PTPN7: variants seen among roughly 807,000 people sequenced by gnomAD.
The protein encoded by PTPN7 is protein tyrosine phosphatase non-receptor type 7.
PTPN7 carries 33 observed loss-of-function variants against 50.3 expected under a neutral mutation model. That is an observed-to-expected ratio of 0.66 (90% CI 0.50 to 0.88). The LOEUF is 0.88. PTPN7 is among the 40% of genes least tolerant of loss of function. The pLI is 0.00. For synonymous variants in PTPN7, 185 were observed against 186.6 expected (o/e 0.99, Z 0.07); for missense variants, 412 against 475.4 (o/e 0.87, Z 1.24).
In PTPN7 at chr1:202,157,745, A is replaced by G; in HGVS notation, c.385T>C (p.Leu129=). 2 of 1,613,304 alleles carry G rather than the reference A, an allele frequency of 1.2e-6. No homozygotes were observed. Among genetic ancestry groups the G allele is most frequent in the South Asian group, 1.1e-5 (1 of 91,058 alleles). Residue 129 remains leucine (L), a synonymous_variant, in exon 4 of 10, where the codon TTG becomes CTG. Transcript: ENST00000691036. ...HASKDRYKTI[L]PNPQSRVCLG... is the part of the protein sequence containing the mutation. ...TCCCAGCAGCAGTTCTTACTTGGCA[A>G]GATGGTCTTGTATCGGTCCTTGGAG...
In PTPN7 at chr1:202,160,443, C is replaced by T; in HGVS notation, c.-53+102G>A. The T allele has an allele frequency of 8.1e-7, 1 of 1,231,674 alleles. No homozygotes were observed. Among genetic ancestry groups the T allele is most frequent in the Non-Finnish European group, 1.1e-6 (1 of 885,108 alleles). 76.3% of individuals were successfully genotyped at this position (1,231,674 alleles called of 1,614,324 possible). On this transcript the variant is annotated intron_variant, in intron 1 of 9. Transcript: ENST00000691036. The surrounding 1 kb of genome is among the most constrained non-coding windows in gnomAD (Gnocchi z 4.8). ...ACCCCAGCCAGGCACTGTGGCGCCC[C>T]ACTCGCCCTCCCGCACTCCCTCCTA...
In PTPN7 at chr1:202,153,848, G is replaced by T; in HGVS notation, c.607-13C>A. Reference sequence around the variant, plus strand: ...AGTGGACACATTTCTAGGAGGGAGGGAGCTGGGAGTCAGAAGAGGGTCAGC... The same window carrying T: ...AGTGGACACATTTCTAGGAGGGAGGTAGCTGGGAGTCAGAAGAGGGTCAGC... On this transcript the variant is annotated splice_polypyrimidine_tract_variant and intron_variant, in intron 6 of 9. Coordinates refer to ENST00000691036, the MANE Select transcript of PTPN7 (RefSeq NM_002832.4). The T allele has an allele frequency of 6.2e-7, 1 of 1,601,256 alleles. No individual in the cohort carries two copies. The highest frequency in any genetic ancestry group is 8.6e-7 in the Non-Finnish European group (1 of 1,168,280).
At position 202,153,784 on chromosome 1, in the gene PTPN7, T is replaced by C; in HGVS notation, c.658A>G (p.Ile220Val). ...CACTCTTTCATGTCCTGGATGCGGA[T>C]CTGGAAGGGTCCATAGGTTTCCTCT... is the stretch of plus-strand genomic sequence containing the variant. ...TEEETYGPFQ[I>V]RIQDMKECPE... The change falls in exon 7 of 10, where the codon ATC (isoleucine) becomes GTC (valine). Residue 220 changes from isoleucine to valine, a missense_variant. Transcript: ENST00000691036. 1.2e-6 allele frequency: 2 copies of C among 1,614,110 alleles called. No individual in the cohort carries two copies. The highest frequency in any genetic ancestry group is 1.3e-5 in the African/African-American group (1 of 75,026).
intron 4 of PTPN7, among the ~76,000 whole-genome samples, chr1:202,156,866 C>T (rs12141644): frequency 0.087 from 13,249 of 152,110 alleles, 818 homozygotes; most frequent in African/African-American, 0.17. Context: ...TGCCTGCCTC[C>T]GAAAAATAGA....
chr1:202,153,553 T>G (rs1427537373), intron 7 of PTPN7, among the ~76,000 whole-genome samples, 172 bp downstream of exon 7: 1 of 152,234 alleles, frequency 6.6e-6, no homozygotes, highest in Non-Finnish European at 1.5e-5. Flanking sequence ...GGCTCTGCCC[T>G]ATTAGACTAG....
rs1007699497 is a variant in PTPN7, at chr1:202,160,537, A to T, written c.-53+8T>A. ...ACAGGACTCCCAGTCCCCCCTTCAG[A>T]TACTTACTGAAGCAGCTGTGGCCCC... On this transcript the variant is annotated splice_region_variant and intron_variant, in intron 1 of 9. Coordinates refer to ENST00000691036, the MANE Select transcript of PTPN7 (RefSeq NM_002832.4). This position sits in a 1 kb window ranked among gnomAD's most constrained non-coding sequence, Gnocchi z 4.8. 1 of 1,544,746 alleles carries T rather than the reference A, an allele frequency of 6.5e-7. No homozygotes were observed. The highest frequency in any genetic ancestry group is 8.8e-7 in the Non-Finnish European group (1 of 1,142,576).
In PTPN7 at chr1:202,159,221, A is replaced by G; in HGVS notation, c.122+60T>C. On this transcript the variant is annotated intron_variant, in intron 2 of 9. Transcript: ENST00000691036. This position sits in a 1 kb window ranked among gnomAD's most constrained non-coding sequence, Gnocchi z 4.6. Reference sequence around the variant, plus strand: ...AGAGCTGGAGGGGCAGATGGAAGGAAGGGAGGAGCGGAATGGGGGCTCAGG... The same window carrying G: ...AGAGCTGGAGGGGCAGATGGAAGGAGGGGAGGAGCGGAATGGGGGCTCAGG... 1.3e-6 allele frequency: 2 copies of G among 1,533,212 alleles called. No homozygotes were observed. The highest frequency in any genetic ancestry group is 1.8e-6 in the Non-Finnish European group (2 of 1,113,156). 95.0% of individuals were successfully genotyped at this position (1,533,212 alleles called of 1,614,324 possible). A position where few individuals can be genotyped will look rare whatever the true frequency, so the allele number is the denominator to read the frequency against.
Position 202,152,616 on chromosome 1 carries a change from C to T in PTPN7, c.801G>A (p.Leu267=), listed in dbSNP as rs769680117. 1 of 1,614,082 alleles carries T rather than the reference C, an allele frequency of 6.2e-7. No individual in the cohort carries two copies. The highest frequency in any genetic ancestry group is 8.5e-7 in the Non-Finnish European group (1 of 1,180,034). ...CCTCCACCTCTGCCACTAGGCGCAG[C>T]AGGGGCCCAGCTGATTCTGGTGTCT... ...DHQTPESAGP[L]LRLVAEVEES... is the part of the protein sequence containing the mutation. The change falls in exon 8 of 10, where the codon CTG becomes CTA. Residue 267 remains leucine, a synonymous_variant. Transcript: ENST00000691036.
At position 202,159,925 on chromosome 1, in the gene PTPN7, C is replaced by T. The variant is rs1010800893; in HGVS notation, c.-52-471G>A. The T allele has an allele frequency of 3.4e-5, 34 of 1,007,402 alleles. No homozygotes were observed. Among genetic ancestry groups the T allele is most frequent in the East Asian group, 1.0e-4 (1 of 9,770 alleles). The allele number at this position is 1,007,402 out of a possible 1,614,324, so 62.4% of individuals were successfully genotyped here. The stretch of plus-strand genomic sequence containing the variant: ...GGAGCTGGTTGGGCAGCCAGGCAGG[C>T]GGGCTCCTGGACCCCAGCAGGGTCC... On this transcript the variant is annotated intron_variant, in intron 1 of 9. Transcript: ENST00000691036. This position sits in a 1 kb window ranked among gnomAD's most constrained non-coding sequence, Gnocchi z 4.6.
intron 4 of PTPN7, 88 bp from the exon 5 acceptor site, chr1:202,155,697 G>A (rs1244297791): frequency 8.5e-7 from 1 of 1,169,876 alleles, no homozygotes; most frequent in Admixed American, 1.8e-5. Flanking sequence ...GAGAGTTCCT[G>A]TGCTCATCAC....
At position 202,150,358 on chromosome 1, in the gene PTPN7, T is replaced by G. The variant is rs1235818580; in HGVS notation, c.942A>C (p.Arg314=). 3 of 1,612,970 alleles carry G rather than the reference T, an allele frequency of 1.9e-6. No homozygotes were observed. Among genetic ancestry groups the G allele is most frequent in the African/African-American group, 1.3e-5 (1 of 74,900 alleles). ...TRIGCQQLKA[R]GEVDILGIVC... ...CAATACCCAGAATGTCCACTTCTCC[T>G]CGGGCTTTCAGCTGTTGACAGCCAA... The change falls in exon 9 of 10, where the codon CGA becomes CGC. Residue 314 remains arginine, a synonymous_variant. Transcript: ENST00000691036.
chr1:202,160,397 A>G lies in PTPN7; in HGVS notation c.-53+148T>C. 1 of 808,500 alleles carries G rather than the reference A, an allele frequency of 1.2e-6. No individual in the cohort carries two copies. Among genetic ancestry groups the G allele is most frequent in the African/African-American group, 1.7e-5 (1 of 57,808 alleles). The allele number at this position is 808,500 out of a possible 1,614,324, so 50.1% of individuals were successfully genotyped here. A position where few individuals can be genotyped will look rare whatever the true frequency, so the allele number is the denominator to read the frequency against. ...CCCTGCTCACCCCCGTCTTGGGGAC[A>G]TCAGGTCTGTGAGCACCCATACCCC... On this transcript the variant is annotated intron_variant, in intron 1 of 9. Coordinates refer to ENST00000691036, the MANE Select transcript of PTPN7 (RefSeq NM_002832.4). This position sits in a 1 kb window ranked among gnomAD's most constrained non-coding sequence, Gnocchi z 4.8.
Position 202,150,387 on chromosome 1 carries a change from G to T in PTPN7, c.913C>A (p.Arg305=). ...IGRTGCFIAT[R]IGCQQLKARG... Reference sequence around the variant, plus strand: ...GCTTTCAGCTGTTGACAGCCAATTCGCGTGGCGATGAAGCAGCCCGTCCGG... The same window carrying T: ...GCTTTCAGCTGTTGACAGCCAATTCTCGTGGCGATGAAGCAGCCCGTCCGG... The change falls in exon 9 of 10, where the codon CGA becomes AGA. Residue 305 remains arginine, a synonymous_variant. Coordinates refer to ENST00000691036, the MANE Select transcript of PTPN7 (RefSeq NM_002832.4). The T allele has an allele frequency of 6.2e-7, 1 of 1,612,194 alleles. No homozygotes were observed. The highest frequency in any genetic ancestry group is 8.5e-7 in the Non-Finnish European group (1 of 1,179,114).
chr1:202,149,419 C>T (rs1165441446), intron 9 of PTPN7, among the ~76,000 whole-genome samples: 2 of 152,084 alleles, frequency 1.3e-5, no homozygotes, highest in African/African-American at 2.4e-5. Context: ...TAGTAGTTTC[C>T]ATTTCCAAAA....
rs747366081 is a variant in PTPN7, at chr1:202,154,356, G to C, written c.469-33C>G. ...GTGGAAGCACAGGGGAAGGGGTGGG[G>C]AGCAGTGAGAGCAGAGCTCTGGGGA... On this transcript the variant is annotated intron_variant, in intron 5 of 9. Coordinates refer to ENST00000691036, the MANE Select transcript of PTPN7 (RefSeq NM_002832.4). 6 of 1,589,674 alleles carry C rather than the reference G, an allele frequency of 3.8e-6. No homozygotes were observed. The Admixed American group carries it at 1.0e-4, about 27-fold the overall frequency.
In PTPN7 at chr1:202,147,874, G is replaced by A. The variant is rs2070257; in HGVS notation, c.*732C>T. 0.24 allele frequency: 37,265 copies of A among 152,146 alleles called. 5,242 individuals are homozygous for A. Among genetic ancestry groups the A allele is most frequent in the African/African-American group, 0.39 (16,252 of 41,452 alleles). The allele number at this position is 152,146 out of a possible 1,614,324, so 9.4% of individuals were successfully genotyped here. On this transcript the variant is annotated 3_prime_UTR_variant, in exon 10 of 10. Coordinates refer to ENST00000691036, the MANE Select transcript of PTPN7 (RefSeq NM_002832.4). ...AGGAGCAGCTCCTCTTTGCCTCTGA[G>A]TAGTCCCCACATGTTCCCTCTTCCA...
At chr1:202,150,146 T>C (rs1224140755) in intron 9 of PTPN7, 165 bp downstream of exon 9, 12 of 608,548 alleles carry the variant, frequency 2.0e-5, no homozygotes, top group Non-Finnish European at 3.5e-5. Flanking sequence ...CAGATAGATA[T>C]TTTTTCCTGG....
At chr1:202,148,787 G>T in intron 9 of PTPN7, 88 bp from the exon 10 acceptor site, 1 of 1,083,832 alleles carries the variant, frequency 9.2e-7, no homozygotes. Flanking sequence ...TGGTCCTACT[G>T]GGAAAGTCCT....
rs971834686 is a variant in PTPN7 at position 202,159,964 on chromosome 1, G to C, written c.-52-510C>G. On this transcript the variant is annotated intron_variant, in intron 1 of 9. Transcript: ENST00000691036. The surrounding 1 kb of genome is among the most constrained non-coding windows in gnomAD (Gnocchi z 4.6). Reference sequence around the variant, plus strand: ...CCAGCAGGGTCCTCTCCTAACTGCTGCTGTTCCACTCCCAGGTCTGTTTCT... The same window carrying C: ...CCAGCAGGGTCCTCTCCTAACTGCTCCTGTTCCACTCCCAGGTCTGTTTCT... 1.0e-6 allele frequency: 1 copy of C among 1,001,842 alleles called. No homozygotes were observed. The highest frequency in any genetic ancestry group is 1.7e-5 in the African/African-American group (1 of 57,742). 62.1% of individuals were successfully genotyped at this position (1,001,842 alleles called of 1,614,324 possible).
Sources: allele counts gnomAD v4.1 joint callset (sites outside exome capture counted in the v4.1 genomes callset), GRCh38; gene constraint gnomAD v4.1.1; non-coding constraint Gnocchi (gnomAD v3.1); transcripts MANE v1.5; gene names NCBI Gene and HGNC (gene_info 2026-07-23, HGNC 2026-07-21).